The following RCL1 variants were observed in gnomAD, a reference collection of about 807,000 sequenced individuals.
RCL1 encodes RNA terminal phosphate cyclase like 1.
RCL1 carries 24 observed loss-of-function variants against 42.4 expected under a neutral mutation model. The observed-to-expected ratio is 0.57, with a 90% CI of 0.41 to 0.80. RCL1 has a LOEUF of 0.80. RCL1 is among the 30% of genes least tolerant of loss of function. RCL1 has a pLI of 0.00. For missense variants in RCL1, 578 were observed against 467.9 expected (o/e 1.24, Z -2.17); for synonymous variants, 228 against 177.3 (o/e 1.29, Z -2.27).
chr9:4,835,210 T>C lies in RCL1; in HGVS notation c.584+945T>C, dbSNP rs1817081619. ...GCTGAAGGTGGCTGGAATCAGATAC[T>C]ATGCAGAACGCAAAGAAAGGAGGGT... On this transcript the variant is annotated intron_variant, in intron 5 of 8. Transcript: ENST00000381750. Among the ~76,000 whole-genome samples the C allele has an allele frequency of 3.9e-5, 6 of 152,164 alleles. No homozygotes were observed. The South Asian group carries it at 1.2e-3, about 32-fold the overall frequency.
At chr9:4,817,443 C>T (rs1816421009) in intron 1 of RCL1, among the ~76,000 whole-genome samples, 2 of 149,228 alleles carry the variant, frequency 1.3e-5, no homozygotes, top group Non-Finnish European at 1.5e-5. Flanking sequence ...TGTATGTTCT[C>T]AGTTAATTAG....
At chr9:4,817,145 GGA>G (rs952188967) in intron 1 of RCL1, among the ~76,000 whole-genome samples, 1 of 8,508 alleles carries the variant, frequency 1.2e-4, no homozygotes, top group Non-Finnish European at 2.4e-3. Context: ...TGAATGTTGG[GGA>G]AAAAAAACTT....
At chr9:4,826,670 A>G (rs1470869675) in intron 2 of RCL1, among the ~76,000 whole-genome samples, 188 bp from the exon 3 acceptor site, 1 of 152,168 alleles carries the variant, frequency 6.6e-6, no homozygotes, top group African/African-American at 2.4e-5. Context: ...ACAGTTTATT[A>G]TTGTTACAGG....
intron 3 of RCL1, among the ~76,000 whole-genome samples, chr9:4,830,767 A>G (rs1476826944): frequency 6.6e-6 from 1 of 152,166 alleles, no homozygotes; most frequent in Non-Finnish European, 1.5e-5. Context: ...AGACAAGGTA[A>G]CTGGAGAGCA....
At chr9:4,823,402 C>G in intron 1 of RCL1, 146 bp from the exon 2 acceptor site, 1 of 558,300 alleles carries the variant, frequency 1.8e-6, no homozygotes, top group Non-Finnish European at 3.1e-6. Context: ...TGAACCTACC[C>G]AGTCCTTTAG....
In RCL1 at chr9:4,841,332, C is replaced by A. The variant is rs987844013; in HGVS notation, c.685C>A (p.His229Asn). The change falls in exon 6 of 9, where the codon CAC (histidine) becomes AAC (asparagine). Residue 229 changes from histidine to asparagine, a missense_variant. By Grantham distance (68) the His-to-Asn change is moderately conservative (BLOSUM62 1). Transcript: ENST00000381750. Reference protein sequence around the residue: ...FIPDIYIYTDHMKGVNSGKSP... With the variant: ...FIPDIYIYTDNMKGVNSGKSP... ...ACCTGATATCTATATTTACACAGAT[C>A]ACATGAAAGGAGTCAACTCTGGGAA... 3 of 1,612,910 alleles carry A rather than the reference C, an allele frequency of 1.9e-6. No homozygotes were observed. The highest frequency in any genetic ancestry group is 1.3e-5 in the African/African-American group (1 of 74,884).
intron 3 of RCL1, among the ~76,000 whole-genome samples, chr9:4,830,695 G>A (rs1449413529): frequency 2.0e-5 from 3 of 152,192 alleles, no homozygotes; most frequent in Admixed American, 6.5e-5. Flanking sequence ...GTGTACATAT[G>A]TATGTATGTG....
intron 1 of RCL1, among the ~76,000 whole-genome samples, chr9:4,820,038 C>T (rs546197363): frequency 6.6e-6 from 1 of 152,330 alleles, no homozygotes; most frequent in African/African-American, 2.4e-5. Flanking sequence ...CAGCTCCTTG[C>T]CATGCCTCTA....
At position 4,843,240 on chromosome 9, in the gene RCL1, G is replaced by C. The variant is rs1288405247; in HGVS notation, c.711-1285G>C. On this transcript the variant is annotated intron_variant, in intron 6 of 8. Coordinates refer to ENST00000381750, the MANE Select transcript of RCL1 (RefSeq NM_005772.5). ...TTCAGTGAAGTATCCAGTAAGTCAG[G>C]CTTGTTCAGATGTAAGAGTTTATGT... 2.6e-5 allele frequency among the ~76,000 whole-genome samples: 4 copies of C among 152,124 alleles called. No homozygotes were observed. The South Asian group carries it at 6.2e-4, about 24-fold the overall frequency.
intron 3 of RCL1, among the ~76,000 whole-genome samples, chr9:4,829,607 A>C (rs1465790967): frequency 1.3e-5 from 2 of 152,186 alleles, no homozygotes; most frequent in Non-Finnish European, 2.9e-5. Context: ...TTAAGCCTCT[A>C]GGAGTATGAG....
At chr9:4,793,540 C>T (rs908980929) in intron 1 of RCL1, among the ~76,000 whole-genome samples, 4 of 152,224 alleles carry the variant, frequency 2.6e-5, no homozygotes, top group Non-Finnish European at 5.9e-5. Context: ...TCCCTTCGGC[C>T]CCTCTTGCCC....
At chr9:4,853,244 G>T (rs1240358343) in intron 8 of RCL1, among the ~76,000 whole-genome samples, 4 of 152,034 alleles carry the variant, frequency 2.6e-5, no homozygotes, top group Non-Finnish European at 5.9e-5. Context: ...CAAGTTACGT[G>T]CCCAGGGTCA....
intron 5 of RCL1, among the ~76,000 whole-genome samples, chr9:4,834,673 G>T (rs1817063142): frequency 6.6e-6 from 1 of 151,834 alleles, no homozygotes; most frequent in South Asian, 2.1e-4. Flanking sequence ...GTGCAGTGGG[G>T]TGGGGGCCTG....
intron 1 of RCL1, among the ~76,000 whole-genome samples, chr9:4,813,200 C>A (rs1467763025): frequency 6.6e-6 from 1 of 152,144 alleles, no homozygotes; most frequent in Non-Finnish European, 1.5e-5. Context: ...TCTAATTAAA[C>A]TAAAGAGCTT....
intron 1 of RCL1, among the ~76,000 whole-genome samples, chr9:4,793,585 G>A (rs1842867810): frequency 6.6e-6 from 1 of 152,240 alleles, no homozygotes; most frequent in African/African-American, 2.4e-5. Flanking sequence ...AAAACAGTTT[G>A]TTGGACCGAA....
In RCL1 at chr9:4,797,845, G is replaced by T. The variant is rs1458464832; in HGVS notation, c.136+4618G>T. Among the ~76,000 whole-genome samples the T allele has an allele frequency of 2.0e-5, 3 of 152,106 alleles. No individual in the cohort carries two copies. In the East Asian group the frequency reaches 5.8e-4, roughly 29 times the overall value. On this transcript the variant is annotated intron_variant, in intron 1 of 8. Coordinates refer to ENST00000381750, the MANE Select transcript of RCL1 (RefSeq NM_005772.5). ...TAAAACTGTCCCCTTCCATTGCAAA[G>T]GGGTTGTAAATACTGAAAGGAATCT...
chr9:4,860,147 A>C lies in RCL1; in HGVS notation c.994A>C (p.Lys332Gln). Reference sequence around the variant, plus strand: ...TAGGATAGAATTTTTGCGGCATTTGAAGAGCTTTTTCCAGATTATGTTTAA... The same window carrying C: ...TAGGATAGAATTTTTGCGGCATTTGCAGAGCTTTTTCCAGATTATGTTTAA... ...PYTIEFLRHL[K>Q]SFFQIMFKIE... Residue 332 changes from lysine (K) to glutamine (Q), a missense_variant, in exon 9 of 9, where the codon AAG becomes CAG. Coordinates refer to ENST00000381750, the MANE Select transcript of RCL1 (RefSeq NM_005772.5). The C allele has an allele frequency of 6.3e-7, 1 of 1,592,436 alleles. No individual in the cohort carries two copies. The highest frequency in any genetic ancestry group is 8.5e-7 in the Non-Finnish European group (1 of 1,171,712).
chr9:4,831,333 G>A (rs1384002894), intron 3 of RCL1, among the ~76,000 whole-genome samples: 9 of 152,140 alleles, frequency 5.9e-5, no homozygotes, highest in African/African-American at 9.7e-5. Flanking sequence ...CGAGAGAGCC[G>A]GTGGCTGCCC....
chr9:4,845,251 C>T (rs1817474561), intron 7 of RCL1, among the ~76,000 whole-genome samples: 1 of 152,142 alleles, frequency 6.6e-6, no homozygotes, highest in Admixed American at 6.5e-5. Flanking sequence ...GGAAGGCAGG[C>T]CTGTGGCACA....
Sources: gnomAD v4.1 joint callset for allele counts (sites outside exome capture counted in the v4.1 genomes callset) on GRCh38, gnomAD v4.1.1 for gene constraint, MANE v1.5 for transcripts, NCBI Gene and HGNC (gene_info 2026-07-23, HGNC 2026-07-21) for gene names.